The following NCAPG2 variants were observed in gnomAD, a reference collection of about 807,000 sequenced individuals.
The protein encoded by NCAPG2 is non-SMC condensin II complex subunit G2.
In NCAPG2, 53 loss-of-function variants were observed where a neutral mutation model predicts 141.1. The ratio of observed to expected loss-of-function variants is 0.38; its 90% CI spans 0.30 to 0.47. The LOEUF is 0.47. Among genes scored for constraint, NCAPG2 ranks in the 20% least tolerant of loss-of-function variants. The pLI is 0.99. For synonymous variants in NCAPG2, 499 were observed against 490.7 expected (o/e 1.02, Z -0.22); for missense variants, 1,087 against 1,389.0 (o/e 0.78, Z 3.46).
chr7:158,703,049 G>GT (rs1392762073), intron 1 of NCAPG2, among the ~76,000 whole-genome samples: 1 of 152,212 alleles, frequency 6.6e-6, no homozygotes, highest in Non-Finnish European at 1.5e-5. Flanking sequence ...ACAGTATTCA[G>GT]TACAGTAACA....
intron 22 of NCAPG2, among the ~76,000 whole-genome samples, chr7:158,652,737 T>C (rs1284587384): frequency 6.6e-6 from 1 of 152,232 alleles, no homozygotes; most frequent in African/African-American, 2.4e-5. Context: ...TATTAGTCAC[T>C]AAACTAAAAA....
chr7:158,693,214 T>C, intron 3 of NCAPG2, 95 bp downstream of exon 3: 2 of 1,342,094 alleles, frequency 1.5e-6, no homozygotes, highest in East Asian at 2.4e-5. Context: ...AACTTCAAAA[T>C]CTGTCTTAAT....
intron 11 of NCAPG2, 71 bp from the exon 12 acceptor site, chr7:158,675,727 T>G: frequency 6.7e-7 from 1 of 1,482,972 alleles, no homozygotes; most frequent in South Asian, 1.2e-5. Flanking sequence ...GCTTCACACG[T>G]GAGCACTTCA....
At chr7:158,672,669 C>A (rs989908051) in intron 12 of NCAPG2, among the ~76,000 whole-genome samples, 1 of 151,754 alleles carries the variant, frequency 6.6e-6, no homozygotes, top group African/African-American at 2.4e-5. Flanking sequence ...ATAATTTTTT[C>A]AAAAAATTTC....
Position 158,631,612 on chromosome 7 carries a change from T to C in NCAPG2, c.*54A>G. Reference sequence around the variant, plus strand: ...AAAACAATAGGAAAATACACAGGCATTTCAATTTGAATCACTTTTCCCTAT... The same window carrying C: ...AAAACAATAGGAAAATACACAGGCACTTCAATTTGAATCACTTTTCCCTAT... On this transcript the variant is annotated 3_prime_UTR_variant, in exon 28 of 28. Transcript: ENST00000356309. 1 of 1,427,626 alleles carries C rather than the reference T, an allele frequency of 7.0e-7. No individual in the cohort carries two copies. The highest frequency in any genetic ancestry group is 1.2e-5 in the South Asian group (1 of 85,628). 88.4% of individuals were successfully genotyped at this position (1,427,626 alleles called of 1,614,324 possible).
intron 11 of NCAPG2, 65 bp downstream of exon 11, chr7:158,679,895 C>T: frequency 6.4e-7 from 1 of 1,570,864 alleles, no homozygotes; most frequent in Non-Finnish European, 8.7e-7. Flanking sequence ...CACACACAAG[C>T]AGTACATGCC....
rs117203914 is a variant in NCAPG2, at chr7:158,680,619, C to T, written c.1020+102G>A. On this transcript the variant is annotated intron_variant, in intron 10 of 27. Coordinates refer to ENST00000356309, the MANE Select transcript of NCAPG2 (RefSeq NM_017760.7). Reference sequence around the variant, plus strand: ...ATTTCAGAAAGCATTCAGTCTTCAGCCTTATCTTTACTATTTTATTGTAAT... The same window carrying T: ...ATTTCAGAAAGCATTCAGTCTTCAGTCTTATCTTTACTATTTTATTGTAAT... 8.3e-4 allele frequency: 560 copies of T among 676,810 alleles called. 2 individuals carry two copies. Among genetic ancestry groups the T allele is most frequent in the Non-Finnish European group, 1.1e-3 (506 of 446,098 alleles). 41.9% of individuals were successfully genotyped at this position (676,810 alleles called of 1,614,324 possible).
chr7:158,698,029 T>A (rs1310609266), intron 2 of NCAPG2, among the ~76,000 whole-genome samples: 2 of 152,194 alleles, frequency 1.3e-5, no homozygotes, highest in East Asian at 3.8e-4. Flanking sequence ...AATACCTCAG[T>A]GATGAAATAA....
rs1023153485 is a variant in NCAPG2, at chr7:158,633,664, CCAG to C, written c.3381-1950_3381-1948del. On this transcript the variant is annotated intron_variant, in intron 27 of 27. Coordinates refer to ENST00000356309, the MANE Select transcript of NCAPG2 (RefSeq NM_017760.7). This position sits in a 1 kb window ranked among gnomAD's most constrained non-coding sequence, Gnocchi z 4.1. ...GACCAGGTTCCGCCCACCTGTCAGC[CCAG>C]CAACTGCCTGGCTCAGCAGCAGTGC... Among the ~76,000 whole-genome samples, 24 of 152,214 alleles carry C rather than the reference CCAG, an allele frequency of 1.6e-4. No individual in the cohort carries two copies. The highest frequency in any genetic ancestry group is 5.5e-4 in the African/African-American group (23 of 41,460).
chr7:158,640,211 T>C (rs562761214), intron 27 of NCAPG2: 1 of 152,330 alleles, frequency 6.6e-6, no homozygotes, highest in South Asian at 2.1e-4. Flanking sequence ...ATTTCTCAGA[T>C]ACTACACGAG....
intron 1 of NCAPG2, among the ~76,000 whole-genome samples, chr7:158,702,889 C>T (rs953483169): frequency 2.6e-5 from 4 of 152,184 alleles, no homozygotes; most frequent in East Asian, 1.9e-4. Context: ...CTATGAACTA[C>T]GGTCATGGAC....
chr7:158,648,496 TAA>T (rs138968761), intron 24 of NCAPG2, among the ~76,000 whole-genome samples: 1 of 106,532 alleles, frequency 9.4e-6, no homozygotes, highest in African/African-American at 3.4e-5. Context: ...TCAAATGGAC[TAA>T]AAAAAAAAAA....
At chr7:158,639,605 G>A (rs757722856) in intron 27 of NCAPG2, among the ~76,000 whole-genome samples, 1 of 152,110 alleles carries the variant, frequency 6.6e-6, no homozygotes, top group African/African-American at 2.4e-5. Context: ...GCAGTAATAG[G>A]AAATCAGACC....
intron 9 of NCAPG2, among the ~76,000 whole-genome samples, chr7:158,681,927 A>G (rs1291297280): frequency 2.0e-5 from 3 of 152,186 alleles, no homozygotes; most frequent in Admixed American, 6.5e-5. Context: ...TTCAATATCA[A>G]TAAAATGACT....
chr7:158,655,261 G>A lies in NCAPG2; in HGVS notation c.2506-3C>T. 6.2e-7 allele frequency: 1 copy of A among 1,613,602 alleles called. No homozygotes were observed. Among genetic ancestry groups the A allele is most frequent in the East Asian group, 2.2e-5 (1 of 44,872 alleles). On this transcript the variant is annotated splice_polypyrimidine_tract_variant and splice_region_variant and intron_variant, in intron 20 of 27. Coordinates refer to ENST00000356309, the MANE Select transcript of NCAPG2 (RefSeq NM_017760.7). Reference sequence around the variant, plus strand: ...TACACCTTTCCTTCTGAGCAGAACTGTCCAAAAACAAGAAGATAAATCAGT... The same window carrying A: ...TACACCTTTCCTTCTGAGCAGAACTATCCAAAAACAAGAAGATAAATCAGT...
intron 22 of NCAPG2, 114 bp downstream of exon 22, chr7:158,654,481 G>C (rs1831749073): frequency 1.9e-6 from 2 of 1,051,220 alleles, no homozygotes; most frequent in African/African-American, 1.7e-5. Context: ...GATATGCCAG[G>C]TTGCATTATA....
In NCAPG2 at chr7:158,662,295, A is replaced by G; in HGVS notation, c.1888T>C (p.Trp630Arg). The G allele has an allele frequency of 6.2e-7, 1 of 1,610,534 alleles. No homozygotes were observed. The highest frequency in any genetic ancestry group is 1.1e-5 in the South Asian group (1 of 89,738). The part of the protein sequence containing the change: ...AGLLEIIVIL[W>R]KSIDRSMENN... ...TCCATACTTCTGTCAATACTTTTCCAGAGAATCACAATGATTTCTAGTAAA... is the reference window on the plus strand; with the variant it reads ...TCCATACTTCTGTCAATACTTTTCCGGAGAATCACAATGATTTCTAGTAAA... The change falls in exon 16 of 28, where the codon TGG becomes CGG. Residue 630 changes from tryptophan to arginine, a missense_variant. Trp to Arg is a moderately radical substitution (Grantham distance 101). Coordinates refer to ENST00000356309, the MANE Select transcript of NCAPG2 (RefSeq NM_017760.7).
chr7:158,646,639 T>C (rs1395039060), intron 24 of NCAPG2, 76 bp from the exon 25 acceptor site: 1 of 957,954 alleles, frequency 1.0e-6, no homozygotes, highest in Non-Finnish European at 1.6e-6. Flanking sequence ...CTTTGGGTTT[T>C]CTTCAACACC....
chr7:158,699,042 C>T (rs1476514052), intron 2 of NCAPG2, among the ~76,000 whole-genome samples: 1 of 152,086 alleles, frequency 6.6e-6, no homozygotes, highest in African/African-American at 2.4e-5. Context: ...CCTCAGCCTC[C>T]CAAAGCTCTG....
Sources: gnomAD v4.1 joint callset for allele counts (sites outside exome capture counted in the v4.1 genomes callset) on GRCh38, gnomAD v4.1.1 for gene constraint, Gnocchi (gnomAD v3.1) non-coding constraint, MANE v1.5 for transcripts, NCBI Gene and HGNC (gene_info 2026-07-23, HGNC 2026-07-21) for gene names.